NELL1: variants seen among roughly 807,000 people sequenced by gnomAD.
NELL1 encodes protein kinase C-binding protein NELL1.
A neutral mutation model predicts 107.4 loss-of-function variants in NELL1; 76 were observed. The observed-to-expected ratio is 0.71, with a 90% CI of 0.59 to 0.86. The LOEUF is 0.86. Among genes scored for constraint, NELL1 ranks in the 40% least tolerant of loss-of-function variants. NELL1 has a pLI of 0.00. For synonymous variants in NELL1, 353 were observed against 341.2 expected (o/e 1.03, Z -0.38); for missense variants, 1,024 against 1,005.5 (o/e 1.02, Z -0.25).
chr11:21,498,551 C>A (rs1300622212), intron 15 of NELL1, among the ~76,000 whole-genome samples: 1 of 151,516 alleles, frequency 6.6e-6, no homozygotes, highest in Non-Finnish European at 1.5e-5. Flanking sequence ...ATTTAGTTTT[C>A]ATTCTTCTAG....
chr11:20,768,032 G>A (rs567502990), intron 2 of NELL1, among the ~76,000 whole-genome samples: 4 of 152,276 alleles, frequency 2.6e-5, no homozygotes, highest in South Asian at 2.1e-4. Context: ...CAGAGGTGAC[G>A]TTTGAGCTGA....
chr11:21,541,013 T>A (rs1457286921), intron 16 of NELL1, among the ~76,000 whole-genome samples: 1 of 152,156 alleles, frequency 6.6e-6, no homozygotes, highest in East Asian at 1.9e-4. Context: ...TTTATAGACT[T>A]TAGCAGATTA....
At chr11:20,835,021 C>T (rs1351560075) in intron 3 of NELL1, among the ~76,000 whole-genome samples, 13 of 152,170 alleles carry the variant, frequency 8.5e-5, no homozygotes, top group Admixed American at 5.9e-4. Context: ...TTGTGTACAT[C>T]GTCAGTGCTG....
chr11:21,381,904 A>ATTTTTTTTTTTT (rs149327802), intron 15 of NELL1, among the ~76,000 whole-genome samples: 53 of 91,366 alleles, frequency 5.8e-4, no homozygotes, highest in Non-Finnish European at 7.5e-4. Flanking sequence ...CCTGGAAGGG[A>ATTTTTTTTTTTT]TTTTTTTTTT....
chr11:21,181,298 C>T (rs373264581), intron 13 of NELL1, among the ~76,000 whole-genome samples: 9 of 151,590 alleles, frequency 5.9e-5, no homozygotes, highest in East Asian at 1.9e-4. Flanking sequence ...TGGTGAAAAC[C>T]GCTACTCATG....
intron 12 of NELL1, among the ~76,000 whole-genome samples, chr11:20,969,226 T>G (rs1851446046): frequency 6.6e-6 from 1 of 152,048 alleles, no homozygotes; most frequent in Non-Finnish European, 1.5e-5. Flanking sequence ...ATCATCTCAT[T>G]TGGATTTATT....
chr11:21,124,319 T>G (rs1328316284), intron 13 of NELL1, among the ~76,000 whole-genome samples: 1 of 152,210 alleles, frequency 6.6e-6, no homozygotes, highest in Non-Finnish European at 1.5e-5. Context: ...CTGGTAGGGA[T>G]AATGTCTTTC....
intron 14 of NELL1, among the ~76,000 whole-genome samples, chr11:21,343,250 C>G (rs569492464): frequency 6.6e-6 from 1 of 152,012 alleles, no homozygotes; most frequent in Non-Finnish European, 1.5e-5. Flanking sequence ...CCTCTTAAGA[C>G]TTATATAATT....
rs1429797 is a variant in NELL1 at position 20,850,897 on chromosome 11, T to G, written c.506+3144T>G. On this transcript the variant is annotated intron_variant, in intron 4 of 19. Coordinates refer to ENST00000357134, the MANE Select transcript of NELL1 (RefSeq NM_006157.5). ...ACAGTTTTACTAGATGCATTTTGCA[T>G]ATTTGGAAATAGAAAAGCTCAAGAT... Among the ~76,000 whole-genome samples the G allele has an allele frequency of 6.5e-3, 985 of 152,320 alleles. 8 individuals carry two copies. Among genetic ancestry groups the G allele is most frequent in the African/African-American group, 0.022 (934 of 41,572 alleles).
At chr11:20,955,071 A>G (rs1421388282) in intron 11 of NELL1, among the ~76,000 whole-genome samples, 1 of 152,234 alleles carries the variant, frequency 6.6e-6, no homozygotes, top group Admixed American at 6.5e-5. Flanking sequence ...TGATCAATTC[A>G]GACATGGGAA....
intron 14 of NELL1, among the ~76,000 whole-genome samples, chr11:21,297,666 G>A (rs925516677): frequency 2.0e-5 from 3 of 152,038 alleles, no homozygotes; most frequent in African/African-American, 7.2e-5. Flanking sequence ...AACTGTGCAA[G>A]CACTGAGACT....
rs893859678 is a variant in NELL1 at position 21,266,196 on chromosome 11, T to C, written c.1549+36742T>C. ...AGTTCGCATTCCATTTAGGTATTTTTTTTTTAACTCGGCTTAGAATGTAAC... is the reference window on the plus strand; with the variant it reads ...AGTTCGCATTCCATTTAGGTATTTTCTTTTTAACTCGGCTTAGAATGTAAC... On this transcript the variant is annotated intron_variant, in intron 14 of 19. Coordinates refer to ENST00000357134, the MANE Select transcript of NELL1 (RefSeq NM_006157.5). 2.6e-5 allele frequency among the ~76,000 whole-genome samples: 4 copies of C among 151,944 alleles called. No individual in the cohort carries two copies. In the East Asian group the frequency reaches 5.8e-4, roughly 22 times the overall value.
At chr11:21,132,939 T>A (rs1473844970) in intron 13 of NELL1, among the ~76,000 whole-genome samples, 1 of 152,120 alleles carries the variant, frequency 6.6e-6, no homozygotes, top group Non-Finnish European at 1.5e-5. Flanking sequence ...AAGAGGAGCT[T>A]TATTGAGTGA....
intron 13 of NELL1, among the ~76,000 whole-genome samples, chr11:21,184,171 G>A (rs1334857046): frequency 6.6e-6 from 1 of 151,778 alleles, no homozygotes; most frequent in Non-Finnish European, 1.5e-5. Flanking sequence ...TGAAGTGATT[G>A]GTTATAATCA....
intron 13 of NELL1, among the ~76,000 whole-genome samples, chr11:21,203,861 G>T (rs1857328275): frequency 6.6e-6 from 1 of 152,070 alleles, no homozygotes; most frequent in Non-Finnish European, 1.5e-5. Flanking sequence ...TTTCTCCTTT[G>T]CTTATGAAGC....
intron 3 of NELL1, among the ~76,000 whole-genome samples, chr11:20,839,511 T>A (rs1161204407): frequency 1.3e-5 from 2 of 152,190 alleles, no homozygotes; most frequent in Non-Finnish European, 2.9e-5. Flanking sequence ...GGCAGTTAAT[T>A]TTCATGTATA....
At chr11:21,379,969 C>T (rs752197075) in intron 15 of NELL1, among the ~76,000 whole-genome samples, 2 of 151,998 alleles carry the variant, frequency 1.3e-5, no homozygotes, top group Non-Finnish European at 2.9e-5. Context: ...TACTTATTCC[C>T]CTCCCATAAC....
intron 12 of NELL1, among the ~76,000 whole-genome samples, chr11:21,054,340 TTCTA>T (rs1389686707): frequency 6.6e-6 from 1 of 152,176 alleles, no homozygotes; most frequent in Non-Finnish European, 1.5e-5. Context: ...ATTTCTTGCA[TTCTA>T]TCTTTTATGT....
intron 2 of NELL1, among the ~76,000 whole-genome samples, chr11:20,730,527 C>A (rs149924813): frequency 6.6e-6 from 1 of 152,294 alleles, no homozygotes; most frequent in East Asian, 1.9e-4. Flanking sequence ...GTACTTGAAC[C>A]TAGACCTCTT....
Sources: allele counts gnomAD v4.1 joint callset (sites outside exome capture counted in the v4.1 genomes callset), GRCh38; gene constraint gnomAD v4.1.1; transcripts MANE v1.5; gene names NCBI Gene and HGNC (gene_info 2026-07-23, HGNC 2026-07-21).